EBF1: variants seen among roughly 807,000 people sequenced by gnomAD.
The protein encoded by EBF1 is transcription factor COE1.
EBF1 carries 10 observed loss-of-function variants against 68.4 expected under a neutral mutation model. That is an observed-to-expected ratio of 0.15 (90% CI 0.09 to 0.25). EBF1 has a LOEUF of 0.25. Among genes scored for constraint, EBF1 ranks in the 10% least tolerant of loss-of-function variants. The pLI is 1.00. For missense variants in EBF1, 509 were observed against 794.4 expected, an observed-to-expected ratio of 0.64 and a Z score of 4.32; for synonymous variants, 298 against 299.8, an observed-to-expected ratio of 0.99 and a Z score of 0.06.
intron 15 of EBF1, among the ~76,000 whole-genome samples, chr5:158,701,804 G>C (rs950084379): frequency 9.9e-5 from 15 of 152,150 alleles, no homozygotes; most frequent in Non-Finnish European, 1.8e-4. Flanking sequence ...ATGGGTCTAG[G>C]GGGTGGGTTT....
chr5:159,034,738 G>T (rs1169650292), intron 6 of EBF1, among the ~76,000 whole-genome samples: 1 of 152,152 alleles, frequency 6.6e-6, no homozygotes, highest in East Asian at 1.9e-4. Context: ...TTGCCCTGCA[G>T]ATTTCTTTGT....
At chr5:158,936,776 T>G (rs1430096283) in intron 6 of EBF1, among the ~76,000 whole-genome samples, 1 of 152,200 alleles carries the variant, frequency 6.6e-6, no homozygotes, top group Non-Finnish European at 1.5e-5. Context: ...TTGTTGATCT[T>G]CCACTTCCCC....
intron 15 of EBF1, among the ~76,000 whole-genome samples, chr5:158,701,447 T>C (rs1442909523): frequency 6.6e-6 from 1 of 152,220 alleles, no homozygotes; most frequent in African/African-American, 2.4e-5. Flanking sequence ...TAGGGCCACA[T>C]TAAAAGTTCT....
At chr5:158,960,393 A>G (rs1417583428) in intron 6 of EBF1, among the ~76,000 whole-genome samples, 1 of 152,190 alleles carries the variant, frequency 6.6e-6, no homozygotes, top group Non-Finnish European at 1.5e-5. Context: ...ACAAAGAACT[A>G]AAAGAAAATA....
Position 158,929,675 on chromosome 5 carries a change from A to T in EBF1, c.555-89565T>A, listed in dbSNP as rs118086583. Among the ~76,000 whole-genome samples, 127 of 152,328 alleles carry T rather than the reference A, an allele frequency of 8.3e-4. 3 individuals carry two copies. In the East Asian group the frequency reaches 0.023, roughly 27 times the overall value. On this transcript the variant is annotated intron_variant, in intron 6 of 15. Transcript: ENST00000313708. ...TGGCATTTCTGAAGCTGAGGCTTTA[A>T]TTATCACCAACCTAATGCTTGTGTA...
At chr5:158,997,947 C>T (rs1168173270) in intron 6 of EBF1, among the ~76,000 whole-genome samples, 1 of 152,150 alleles carries the variant, frequency 6.6e-6, no homozygotes, top group African/African-American at 2.4e-5. Flanking sequence ...ATATGTTGTT[C>T]TCTCTACTGT....
At chr5:158,985,493 A>G (rs935606187) in intron 6 of EBF1, among the ~76,000 whole-genome samples, 1 of 152,254 alleles carries the variant, frequency 6.6e-6, no homozygotes, top group Non-Finnish European at 1.5e-5. Flanking sequence ...AAATTCTAAT[A>G]TAAGTCCAGG....
chr5:158,996,966 A>T (rs1004383465), intron 6 of EBF1, among the ~76,000 whole-genome samples: 2 of 152,104 alleles, frequency 1.3e-5, no homozygotes, highest in Non-Finnish European at 2.9e-5. Flanking sequence ...GCCAGCCCCA[A>T]CTACACCCCA....
intron 11 of EBF1, among the ~76,000 whole-genome samples, chr5:158,728,293 G>A (rs141522160): frequency 2.1e-3 from 318 of 152,294 alleles, no homozygotes; most frequent in East Asian, 6.8e-3. Flanking sequence ...GATGCAAGCC[G>A]TGGAGTGTTT....
Position 158,708,027 on chromosome 5 carries a change from T to A in EBF1, c.1696A>T (p.Thr566Ser). The change falls in exon 15 of 16, where the codon ACC becomes TCC. Residue 566 changes from threonine (T) to serine (S), a missense_variant. This residue lies in a region of EBF1 where 205 missense variants were observed against 247.4 expected (regional missense o/e 0.83). Transcript: ENST00000313708. ...SAFAPVVRPQ[T>S]SPPPTCTSTN... ...CTGGTGCAGGTGGGAGGTGGGGAGG[T>A]CTGGGGTCTGACGACTGGTGCGAAA... 6.4e-7 allele frequency: 1 copy of A among 1,550,818 alleles called. No individual in the cohort carries two copies. The highest frequency in any genetic ancestry group is 8.7e-7 in the Non-Finnish European group (1 of 1,147,430).
chr5:159,029,899 G>A (rs953826639), intron 6 of EBF1, among the ~76,000 whole-genome samples: 3 of 151,560 alleles, frequency 2.0e-5, no homozygotes, highest in Non-Finnish European at 4.4e-5. Context: ...AGAGGTTGCA[G>A]TGAGCCAAGA....
At chr5:158,780,716 C>T (rs1157194902) in intron 9 of EBF1, among the ~76,000 whole-genome samples, 1 of 152,004 alleles carries the variant, frequency 6.6e-6, no homozygotes, top group Non-Finnish European at 1.5e-5. Flanking sequence ...TGCCCTGAGA[C>T]TTTATCCCTT....
At chr5:158,887,647 A>C (rs1488698389) in intron 6 of EBF1, among the ~76,000 whole-genome samples, 1 of 152,210 alleles carries the variant, frequency 6.6e-6, no homozygotes, top group Non-Finnish European at 1.5e-5. Flanking sequence ...TGTGAATGAC[A>C]ACCTTCACGG....
chr5:158,762,580 G>A (rs1771708596), intron 10 of EBF1, among the ~76,000 whole-genome samples: 1 of 152,180 alleles, frequency 6.6e-6, no homozygotes, highest in Non-Finnish European at 1.5e-5. Flanking sequence ...CTGTCACCCA[G>A]GCTGGAGTGC....
chr5:159,026,671 G>A (rs1767770372), intron 6 of EBF1, among the ~76,000 whole-genome samples: 1 of 152,138 alleles, frequency 6.6e-6, no homozygotes, highest in Admixed American at 6.5e-5. Flanking sequence ...AGGCATGCAT[G>A]TTCTCAAATC....
At chr5:158,733,197 A>G (rs1458835695) in intron 10 of EBF1, among the ~76,000 whole-genome samples, 2 of 152,190 alleles carry the variant, frequency 1.3e-5, no homozygotes, top group African/African-American at 4.8e-5. Flanking sequence ...ACCCCCACCC[A>G]TAATGCTAAT....
chr5:158,746,966 C>T (rs1767721869), intron 10 of EBF1, among the ~76,000 whole-genome samples: 1 of 152,156 alleles, frequency 6.6e-6, no homozygotes, highest in African/African-American at 2.4e-5. Context: ...GCTACCAAAA[C>T]AACTTTTAGA....
Position 158,844,774 on chromosome 5 carries a change from G to A in EBF1, c.555-4664C>T, listed in dbSNP as rs373889178. On this transcript the variant is annotated intron_variant, in intron 6 of 15. Coordinates refer to ENST00000313708, the MANE Select transcript of EBF1 (RefSeq NM_024007.5). ...AAAGTGACAGTCATAAAACCAAAAG[G>A]TGACATCCTATTAAAAGTTTTATTT... Among the ~76,000 whole-genome samples the A allele has an allele frequency of 9.9e-5, 15 of 152,268 alleles. No individual in the cohort carries two copies. In the East Asian group the frequency reaches 1.3e-3, roughly 14 times the overall value.
intron 12 of EBF1, among the ~76,000 whole-genome samples, chr5:158,713,634 C>T (rs773624849): frequency 5.3e-5 from 8 of 152,166 alleles, no homozygotes; most frequent in Non-Finnish European, 1.0e-4. Context: ...CTGTGTCCCC[C>T]AGACATTGAC....
Sources: gnomAD v4.1 joint callset for allele counts (sites outside exome capture counted in the v4.1 genomes callset) on GRCh38, gnomAD v4.1.1 for gene constraint, gnomAD v4.1.1 regional missense constraint, MANE v1.5 for transcripts, NCBI Gene and HGNC (gene_info 2026-07-23, HGNC 2026-07-21) for gene names.